DLGAP1: variants seen among roughly 807,000 people sequenced by gnomAD.
The protein encoded by DLGAP1 is disks large-associated protein 1.
In DLGAP1, 11 loss-of-function variants were observed where a neutral mutation model predicts 90.8. The observed-to-expected ratio is 0.12, with a 90% CI of 0.08 to 0.20. The LOEUF is 0.20. DLGAP1 is among the 10% of genes least tolerant of loss of function. DLGAP1 has a pLI of 1.00. For missense variants in DLGAP1, 1,050 were observed against 1,333.8 expected, an observed-to-expected ratio of 0.79 and a Z score of 3.31; for synonymous variants, 558 against 540.7, an observed-to-expected ratio of 1.03 and a Z score of -0.44.
chr18:3,822,346 C>T (rs1056823025), intron 4 of DLGAP1, among the ~76,000 whole-genome samples: 1 of 152,154 alleles, frequency 6.6e-6, no homozygotes, highest in African/African-American at 2.4e-5. Context: ...CTTACCATGA[C>T]CCTGTAGAAT....
At chr18:3,525,176 T>G (rs1297196793) in intron 10 of DLGAP1, among the ~76,000 whole-genome samples, 2 of 152,112 alleles carry the variant, frequency 1.3e-5, no homozygotes, top group Non-Finnish European at 2.9e-5. Flanking sequence ...TTTTTCCCAG[T>G]TCCAACCCCT....
At chr18:3,878,773 TC>T (rs1285650412) in intron 4 of DLGAP1, among the ~76,000 whole-genome samples, 3 of 152,182 alleles carry the variant, frequency 2.0e-5, no homozygotes, top group African/African-American at 7.2e-5. Context: ...AAGGTGGACT[TC>T]TTTTAAAATT....
At chr18:4,240,803 A>G (rs1019007897) in intron 1 of DLGAP1, among the ~76,000 whole-genome samples, 4 of 152,194 alleles carry the variant, frequency 2.6e-5, no homozygotes, top group Middle Eastern at 3.2e-3. Context: ...ATCTCTTCCA[A>G]TGCATGCTGT....
chr18:3,705,866 C>T (rs1238290281), intron 7 of DLGAP1, among the ~76,000 whole-genome samples: 1 of 151,974 alleles, frequency 6.6e-6, no homozygotes, highest in African/African-American at 2.4e-5. Flanking sequence ...ACCATGTTGG[C>T]CAGGCTGGTC....
chr18:4,082,446 G>A (rs995371439), intron 2 of DLGAP1, among the ~76,000 whole-genome samples: 1 of 144,222 alleles, frequency 6.9e-6, no homozygotes, highest in Non-Finnish European at 1.5e-5. Flanking sequence ...GGGAGGCAGA[G>A]GTTGCAGTGA....
chr18:4,439,075 G>A (rs978001580), intron 1 of DLGAP1, among the ~76,000 whole-genome samples: 7 of 152,104 alleles, frequency 4.6e-5, no homozygotes, highest in Admixed American at 2.6e-4. Context: ...GCTGGTCCCC[G>A]CCCCAAAGGA....
chr18:4,100,629 C>A (rs2075765372), intron 2 of DLGAP1, among the ~76,000 whole-genome samples: 1 of 152,226 alleles, frequency 6.6e-6, no homozygotes, highest in Admixed American at 6.5e-5. Flanking sequence ...TCCCCTTTAG[C>A]TCTGAAAGGC....
chr18:4,343,220 T>C (rs567599843), intron 1 of DLGAP1, among the ~76,000 whole-genome samples: 29 of 149,284 alleles, frequency 1.9e-4, no homozygotes, highest in African/African-American at 6.9e-4. Flanking sequence ...GGCAGGAGAA[T>C]GGCGTGAACC....
At chr18:3,829,924 G>A (rs1376342625) in intron 4 of DLGAP1, among the ~76,000 whole-genome samples, 2 of 152,144 alleles carry the variant, frequency 1.3e-5, no homozygotes, top group Non-Finnish European at 2.9e-5. Flanking sequence ...GGCAGTGGGA[G>A]GGAGACTTGA....
intron 1 of DLGAP1, among the ~76,000 whole-genome samples, chr18:4,361,041 T>C (rs922828001): frequency 6.6e-6 from 1 of 152,184 alleles, no homozygotes; most frequent in Admixed American, 6.5e-5. Context: ...ACCTTATCTA[T>C]AGATACATTC....
At chr18:3,652,579 G>T (rs2059353106) in intron 7 of DLGAP1, among the ~76,000 whole-genome samples, 1 of 152,152 alleles carries the variant, frequency 6.6e-6, no homozygotes, top group South Asian at 2.1e-4. Context: ...CTGGCCTCAA[G>T]CTATTTTCCT....
intron 2 of DLGAP1, among the ~76,000 whole-genome samples, chr18:4,059,673 T>C (rs1361564396): frequency 1.3e-5 from 2 of 151,972 alleles, no homozygotes; most frequent in Non-Finnish European, 2.9e-5. Flanking sequence ...ATCGTGCCAT[T>C]GTACTCCAGC....
chr18:3,595,813 G>C (rs1261320900), intron 7 of DLGAP1, among the ~76,000 whole-genome samples: 1 of 152,180 alleles, frequency 6.6e-6, no homozygotes, highest in Non-Finnish European at 1.5e-5. Flanking sequence ...ACATCTGTTA[G>C]GATTAAATTT....
At chr18:3,509,489 C>T (rs1017997402) in intron 10 of DLGAP1, among the ~76,000 whole-genome samples, 3 of 152,192 alleles carry the variant, frequency 2.0e-5, no homozygotes, top group African/African-American at 4.8e-5. Context: ...TGCAGTGTCC[C>T]TGGGGCTCGC....
intron 3 of DLGAP1, among the ~76,000 whole-genome samples, chr18:3,902,835 A>G (rs2071812802): frequency 6.6e-6 from 1 of 152,014 alleles, no homozygotes; most frequent in Non-Finnish European, 1.5e-5. Context: ...TAGACTGGAC[A>G]CTAGGGAGAG....
In DLGAP1 at chr18:4,425,830, G is replaced by C. The variant is rs576264902; in HGVS notation, c.-267+29176C>G. On this transcript the variant is annotated intron_variant, in intron 1 of 12. Transcript: ENST00000315677. ...ACTCCCCCAATATGACCATATCTTA[G>C]TGGTTTTAGAGTTACTTTCATAAAG... Among the ~76,000 whole-genome samples, 10 of 152,170 alleles carry C rather than the reference G, an allele frequency of 6.6e-5. No homozygotes were observed. The South Asian group carries it at 8.3e-4, about 13-fold the overall frequency.
At chr18:4,271,940 T>G (rs921833433) in intron 1 of DLGAP1, among the ~76,000 whole-genome samples, 1 of 152,176 alleles carries the variant, frequency 6.6e-6, no homozygotes, top group African/African-American at 2.4e-5. Flanking sequence ...GGCTCTGTGG[T>G]GAGAACACAG....
intron 1 of DLGAP1, among the ~76,000 whole-genome samples, chr18:4,262,666 C>A (rs1292741741): frequency 6.6e-6 from 1 of 152,150 alleles, no homozygotes; most frequent in Non-Finnish European, 1.5e-5. Context: ...GCTACGTGGG[C>A]AACACAGCAG....
At chr18:3,854,724 T>C (rs2069530514) in intron 4 of DLGAP1, among the ~76,000 whole-genome samples, 1 of 152,170 alleles carries the variant, frequency 6.6e-6, no homozygotes, top group Non-Finnish European at 1.5e-5. Context: ...GAGTGTGCAG[T>C]ACAGTGTGGG....
Sources: gnomAD v4.1 joint callset for allele counts (sites outside exome capture counted in the v4.1 genomes callset) on GRCh38, gnomAD v4.1.1 for gene constraint, MANE v1.5 for transcripts, NCBI Gene and HGNC (gene_info 2026-07-23, HGNC 2026-07-21) for gene names.